IL1RAPL1: variants seen among roughly 807,000 people sequenced by gnomAD.
IL1RAPL1 encodes the protein interleukin-1 receptor accessory protein-like 1.
Under a neutral mutation model 48.4 loss-of-function variants are expected in IL1RAPL1, and 3 were observed. The observed-to-expected ratio is 0.06, with a 90% CI of 0.03 to 0.16. The LOEUF (loss-of-function observed/expected upper bound fraction) is 0.16. IL1RAPL1 is among the 10% of genes least tolerant of loss of function. The pLI, the probability that IL1RAPL1 is intolerant of heterozygous loss-of-function variation, is 1.00. For missense variants in IL1RAPL1, 349 were observed against 530.6 expected, an observed-to-expected ratio of 0.66 and a Z score of 3.36; for synonymous variants, 185 against 187.7, an observed-to-expected ratio of 0.99 and a Z score of 0.12.
chrX:29,804,020 T>TC (rs1182984781), intron 6 of IL1RAPL1, among the ~76,000 whole-genome samples: 1 of 111,847 alleles, frequency 8.9e-6, no homozygotes, highest in African/African-American at 3.2e-5. Flanking sequence ...TTTATATAAA[T>TC]CTTTCATTTT....
intron 6 of IL1RAPL1, among the ~76,000 whole-genome samples, chrX:29,802,814 T>TAC (rs1266856683): frequency 4.2e-4 from 31 of 73,076 alleles, no homozygotes; most frequent in African/African-American, 1.9e-3. Flanking sequence ...TATATATGTG[T>TAC]GTATATATAT....
At chrX:29,474,330 C>T (rs1934951835) in intron 5 of IL1RAPL1, among the ~76,000 whole-genome samples, 1 of 112,009 alleles carries the variant, frequency 8.9e-6, no homozygotes, top group African/African-American at 3.3e-5. Context: ...AGCCAGAATT[C>T]CGTAGTAGGA....
chrX:28,917,496 T>C (rs1003589400), intron 2 of IL1RAPL1, among the ~76,000 whole-genome samples: 1 of 111,944 alleles, frequency 8.9e-6, no homozygotes, highest in African/African-American at 3.2e-5. Context: ...ATGAAATTTA[T>C]TGAGACTAAG....
At chrX:28,737,319 C>T (rs980592553) in intron 1 of IL1RAPL1, among the ~76,000 whole-genome samples, 3 of 104,944 alleles carry the variant, frequency 2.9e-5, no homozygotes, top group Non-Finnish European at 3.9e-5. Flanking sequence ...GACAGTGGTG[C>T]GATCTCGGCT....
chrX:29,479,921 A>G (rs4829093), intron 5 of IL1RAPL1, among the ~76,000 whole-genome samples: 53,310 of 109,587 alleles, frequency 0.49, 9,528 homozygotes, highest in East Asian at 0.72. Flanking sequence ...TCGCTGGCCC[A>G]TGGGCACTTA....
chrX:28,737,072 C>CG (rs1341119574), intron 1 of IL1RAPL1, among the ~76,000 whole-genome samples: 1 of 101,514 alleles, frequency 9.9e-6, no homozygotes, highest in African/African-American at 3.6e-5. Flanking sequence ...CTTTTCTTTT[C>CG]TTTTCTTTTC....
At chrX:29,103,128 G>C (rs73210054) in intron 2 of IL1RAPL1, among the ~76,000 whole-genome samples, 25,942 of 110,668 alleles carry the variant, frequency 0.23, 2,837 homozygotes, top group African/African-American at 0.43. Context: ...AGCAATCCAA[G>C]AATTTATATG....
At chrX:28,801,770 G>T (rs775726788) in intron 2 of IL1RAPL1, among the ~76,000 whole-genome samples, 1 of 111,936 alleles carries the variant, frequency 8.9e-6, no homozygotes, top group Non-Finnish European at 1.9e-5. Flanking sequence ...AAAACACTTG[G>T]GTTTCAATGC....
At chrX:29,757,382 G>A (rs1928644277) in intron 6 of IL1RAPL1, among the ~76,000 whole-genome samples, 2 of 111,698 alleles carry the variant, frequency 1.8e-5, no homozygotes, top group South Asian at 3.7e-4. Flanking sequence ...CTAATGGGAA[G>A]TGCTAAGAAA....
intron 5 of IL1RAPL1, among the ~76,000 whole-genome samples, chrX:29,596,573 C>T (rs1285027695): frequency 8.9e-6 from 1 of 111,807 alleles, no homozygotes; most frequent in African/African-American, 3.3e-5. Flanking sequence ...GATTTGTGTA[C>T]ATTAATTTGT....
At chrX:28,775,497 C>G (rs1424541852) in intron 1 of IL1RAPL1, among the ~76,000 whole-genome samples, 1 of 112,198 alleles carries the variant, frequency 8.9e-6, no homozygotes. Flanking sequence ...ATGACCCCAT[C>G]TTAACTTGAT....
At chrX:28,924,578 TA>T (rs1280507219) in intron 2 of IL1RAPL1, among the ~76,000 whole-genome samples, 1 of 111,530 alleles carries the variant, frequency 9.0e-6, no homozygotes, top group Admixed American at 9.5e-5. Context: ...ACCAGACTGA[TA>T]AACACAATTT....
At chrX:29,071,698 C>T (rs1468761321) in intron 2 of IL1RAPL1, among the ~76,000 whole-genome samples, 2 of 111,271 alleles carry the variant, frequency 1.8e-5, no homozygotes, top group African/African-American at 3.3e-5. Flanking sequence ...AATGCAACCA[C>T]GCCCCTTTTC....
chrX:29,945,083 C>T (rs761068477), intron 9 of IL1RAPL1, among the ~76,000 whole-genome samples: 4 of 111,872 alleles, frequency 3.6e-5, no homozygotes, highest in Admixed American at 9.5e-5. Context: ...CACAAATCCT[C>T]GCCCTTCTCA....
intron 6 of IL1RAPL1, among the ~76,000 whole-genome samples, chrX:29,890,755 G>A (rs1601869262): frequency 9.0e-6 from 1 of 111,592 alleles, no homozygotes; most frequent in East Asian, 2.8e-4. Context: ...GGCTCTACCT[G>A]CCTTTTAGTG....
At chrX:29,555,554 T>C (rs7890296) in intron 5 of IL1RAPL1, among the ~76,000 whole-genome samples, 1,652 of 112,250 alleles carry the variant, frequency 0.015, 40 homozygotes, top group African/African-American at 0.051. Flanking sequence ...GCTAGCCATT[T>C]CTTCTGTGAT....
chrX:29,063,023 T>G (rs2147434461), intron 2 of IL1RAPL1, among the ~76,000 whole-genome samples: 1 of 111,637 alleles, frequency 9.0e-6, no homozygotes, highest in African/African-American at 3.2e-5. Flanking sequence ...TAGTGTTAAG[T>G]ACAATTATTG....
intron 6 of IL1RAPL1, among the ~76,000 whole-genome samples, chrX:29,883,771 C>T (rs958831681): frequency 8.9e-6 from 1 of 112,119 alleles, no homozygotes; most frequent in African/African-American, 3.2e-5. Context: ...CAGGGTATGA[C>T]CTGCATCAGG....
chrX:29,417,116 A>G (rs1934227160), intron 5 of IL1RAPL1, among the ~76,000 whole-genome samples: 1 of 111,855 alleles, frequency 8.9e-6, no homozygotes, highest in African/African-American at 3.2e-5. Flanking sequence ...AGGTCCACTA[A>G]TTATATCCCA....
Sources: allele counts gnomAD v4.1 joint callset (sites outside exome capture counted in the v4.1 genomes callset), GRCh38; gene constraint gnomAD v4.1.1; transcripts MANE v1.5; gene names NCBI Gene and HGNC (gene_info 2026-07-23, HGNC 2026-07-21).